The following ZNF624 variants were observed in gnomAD, a reference collection of about 807,000 sequenced individuals.
The protein encoded by ZNF624 is zinc finger protein 624.
A neutral mutation model predicts 74.7 loss-of-function variants in ZNF624; 43 were observed. The observed-to-expected ratio is 0.58, with a 90% CI of 0.45 to 0.74. ZNF624 has a LOEUF of 0.74. ZNF624 is among the 30% of genes least tolerant of loss of function. ZNF624 has a pLI of 0.00. For missense variants in ZNF624, 820 were observed against 1,030.0 expected, an observed-to-expected ratio of 0.80 and a Z score of 2.79; for synonymous variants, 331 against 341.3, an observed-to-expected ratio of 0.97 and a Z score of 0.33.
At chr17:16,647,453 C>A (rs888145030) in intron 2 of ZNF624, 59 bp from the exon 3 acceptor site, 22 of 1,419,344 alleles carry the variant, frequency 1.6e-5, no homozygotes, top group Non-Finnish European at 2.0e-5. Context: ...TACAGCAGAG[C>A]CTCAACAAGC....
chr17:16,615,956 CATATATATAT>C (rs56321425), downstream of ZNF624, among the ~76,000 whole-genome samples: 1,030 of 90,290 alleles, frequency 0.011, 15 homozygotes, highest in South Asian at 0.038. Flanking sequence ...ATTCCATATA[CATATATATAT>C]ATATATATAT....
At position 16,653,840 on chromosome 17, in the gene ZNF624, GC is replaced by G. The variant is rs1275376258; in HGVS notation, c.-80del. On this transcript the variant is annotated 5_prime_UTR_variant, in exon 1 of 6. Transcript: ENST00000311331. ...CGCTTCCAGCAATGGCGGCGGCTCG[GC>G]GGTGCCGGCCTCCAGGCAGGGCATT... The G allele has an allele frequency of 1.3e-5, 2 of 152,832 alleles. No homozygotes were observed. The highest frequency in any genetic ancestry group is 4.8e-5 in the African/African-American group (2 of 41,486). 9.5% of individuals were successfully genotyped at this position (152,832 alleles called of 1,614,324 possible). A position where few individuals can be genotyped will look rare whatever the true frequency, so the allele number is the denominator to read the frequency against.
chr17:16,644,940 A>C (rs1909552315), intron 3 of ZNF624, among the ~76,000 whole-genome samples: 1 of 152,244 alleles, frequency 6.6e-6, no homozygotes, highest in Non-Finnish European at 1.5e-5. Flanking sequence ...AGTTATTTGC[A>C]ACCCAGATGC....
intron 3 of ZNF624, among the ~76,000 whole-genome samples, chr17:16,644,765 T>C (rs900592293): frequency 5.9e-5 from 9 of 152,244 alleles, no homozygotes; most frequent in African/African-American, 2.2e-4. Flanking sequence ...ACAATATTTC[T>C]TCTAAAGTCA....
chr17:16,634,087 A>AC, intron 4 of ZNF624, 130 bp from the exon 5 acceptor site: 1 of 577,052 alleles, frequency 1.7e-6, no homozygotes, highest in Non-Finnish European at 3.0e-6. Flanking sequence ...ACTGTCTGAT[A>AC]CAGTTGCCAA....
At chr17:16,651,851 T>C (rs76181230) in intron 1 of ZNF624, among the ~76,000 whole-genome samples, 4,453 of 152,262 alleles carry the variant, frequency 0.029, 211 homozygotes, top group African/African-American at 0.1. Context: ...TCAGGATCTC[T>C]AGATGTGAGG....
intron 5 of ZNF624, among the ~76,000 whole-genome samples, chr17:16,626,115 A>G (rs1228223485): frequency 1.3e-5 from 2 of 152,010 alleles, no homozygotes; most frequent in African/African-American, 4.8e-5. Context: ...ACATCCAGCT[A>G]ATTTTTCTTA....
chr17:16,652,679 A>T (rs1909754728), intron 1 of ZNF624, among the ~76,000 whole-genome samples: 1 of 152,214 alleles, frequency 6.6e-6, no homozygotes, highest in African/African-American at 2.4e-5. Context: ...AACTCTACTG[A>T]GACCTCTGAG....
chr17:16,636,874 T>C (rs1259806561), intron 3 of ZNF624, among the ~76,000 whole-genome samples: 1 of 151,834 alleles, frequency 6.6e-6, no homozygotes, highest in Non-Finnish European at 1.5e-5. Flanking sequence ...GGGTGCAGTG[T>C]TGAATAGGAG....
At chr17:16,635,573 A>G (rs72637358) in intron 3 of ZNF624, among the ~76,000 whole-genome samples, 17,206 of 152,172 alleles carry the variant, frequency 0.11, 1,175 homozygotes, top group East Asian at 0.35. Flanking sequence ...GTGACTTTGA[A>G]ACAGTAATTT....
At chr17:16,641,614 C>T (rs1159609751) in intron 3 of ZNF624, among the ~76,000 whole-genome samples, 1 of 152,114 alleles carries the variant, frequency 6.6e-6, no homozygotes, top group Non-Finnish European at 1.5e-5. Flanking sequence ...AACATTATAT[C>T]GTACATTTTG....
downstream of ZNF624, among the ~76,000 whole-genome samples, chr17:16,615,940 A>G (rs1161873731): frequency 1.4e-5 from 2 of 140,616 alleles, no homozygotes; most frequent in Admixed American, 1.5e-4. Context: ...CAACTTTAAA[A>G]AATCTATTCC....
In ZNF624 at chr17:16,647,333, A is replaced by G. The variant is rs747851418; in HGVS notation, c.149T>C (p.Val50Ala). 4.3e-6 allele frequency: 7 copies of G among 1,613,748 alleles called. No individual in the cohort carries two copies. The Admixed American group carries it at 1.2e-4, about 27-fold the overall frequency. ...LHLQAEETQL[V>A]KESVTFKDVA... ...ATGTACAACAGTAGGTATTACCTTT[A>G]CCAATTGTGTTTCTTCTGCCTGAAG... The change falls in exon 3 of 6, where the codon GTA (valine) becomes GCA (alanine). Residue 50 changes from valine to alanine, a missense_variant. Val to Ala is a moderately conservative substitution (Grantham distance 64). Transcript: ENST00000311331.
At chr17:16,646,595 G>A (rs1022037970) in intron 3 of ZNF624, among the ~76,000 whole-genome samples, 14 of 152,150 alleles carry the variant, frequency 9.2e-5, no homozygotes, top group Non-Finnish European at 1.2e-4. Context: ...AAGAATGCTG[G>A]AATAAGACTG....
chr17:16,638,033 C>A (rs944899304), intron 3 of ZNF624, among the ~76,000 whole-genome samples: 1 of 151,912 alleles, frequency 6.6e-6, no homozygotes, highest in Admixed American at 6.6e-5. Context: ...AAAAAACAAC[C>A]CCATCAAAAG....
At chr17:16,617,554 T>C, downstream of ZNF624, 2 of 1,571,206 alleles carry the variant, frequency 1.3e-6, no homozygotes, top group East Asian at 2.2e-5. Flanking sequence ...AATAAGCCTG[T>C]ATTCTGTACG....
chr17:16,622,877 C>T lies in ZNF624; in HGVS notation c.2009G>A (p.Cys670Tyr). ...AGTGAAGGCTTTCTCACATTCATTA[C>T]ATTTATATGGTTTTTCTCCAGTATG... ...RTHTGEKPYK[C>Y]NECEKAFTNT... The change falls in exon 6 of 6, where the codon TGT (cysteine) becomes TAT (tyrosine). Residue 670 changes from cysteine (C) to tyrosine (Y), a missense_variant. Physicochemically the swap from Cys to Tyr is radical, Grantham distance 194 (BLOSUM62 -2). Coordinates refer to ENST00000311331, the MANE Select transcript of ZNF624 (RefSeq NM_020787.4). The T allele has an allele frequency of 1.2e-6, 2 of 1,613,904 alleles. No individual in the cohort carries two copies. Among genetic ancestry groups the T allele is most frequent in the African/African-American group, 1.3e-5 (1 of 75,014 alleles).
chr17:16,634,015 AATTCAGTCT>A (rs2142605075), intron 4 of ZNF624, 58 bp from the exon 5 acceptor site: 1 of 1,386,982 alleles, frequency 7.2e-7, no homozygotes, highest in Admixed American at 1.7e-5. Context: ...ACTCCTGCCA[AATTCAGTCT>A]CAGTTCTTAA....
the ZNF624 span, among the ~76,000 whole-genome samples, chr17:16,614,406 T>C: frequency 6.6e-6 from 1 of 152,172 alleles, no homozygotes. Context: ...TTATAAACTA[T>C]TTAAAACCAG....
Sources: allele counts gnomAD v4.1 joint callset (sites outside exome capture counted in the v4.1 genomes callset), GRCh38; gene constraint gnomAD v4.1.1; transcripts MANE v1.5; gene names NCBI Gene and HGNC (gene_info 2026-07-23, HGNC 2026-07-21).